DUSP28: variants seen among roughly 807,000 people sequenced by gnomAD.
DUSP28 encodes the protein dual specificity phosphatase 28.
A neutral mutation model predicts 8.4 loss-of-function variants in DUSP28; 11 were observed. The ratio of observed to expected loss-of-function variants is 1.31; its 90% CI spans 0.83 to 2.17. The LOEUF (loss-of-function observed/expected upper bound fraction) is 2.17, where lower values mean the gene tolerates loss of function less well. Ranked by LOEUF, DUSP28 falls within the 30% of genes most tolerant of loss-of-function variation. The pLI is 0.00. For missense variants in DUSP28, 373 were observed against 270.4 expected (o/e 1.38, Z -2.66); for synonymous variants, 178 against 130.9 (o/e 1.36, Z -2.46).
rs964735100 is a variant in DUSP28, at chr2:240,565,203, C to T, written c.*3736C>T. Among the ~76,000 whole-genome samples, 2 of 151,640 alleles carry T rather than the reference C, an allele frequency of 1.3e-5. No homozygotes were observed. The highest frequency in any genetic ancestry group is 1.3e-4 in the Admixed American group (2 of 15,278). ...AGTCATTGGTTAATATATACAACTA[C>T]GCGTATTTACATTCTGTATGCGTCA... On this transcript the variant is annotated 3_prime_UTR_variant, in exon 2 of 2. Coordinates refer to ENST00000405954, the MANE Select transcript of DUSP28 (RefSeq NM_001370465.2).
At position 240,562,622 on chromosome 2, in the gene DUSP28, C is replaced by G. The variant is rs896390848; in HGVS notation, c.*1155C>G. The G allele has an allele frequency of 1.3e-5, 2 of 152,166 alleles. No individual in the cohort carries two copies. Among genetic ancestry groups the G allele is most frequent in the Admixed American group, 6.5e-5 (1 of 15,274 alleles). 9.4% of individuals were successfully genotyped at this position (152,166 alleles called of 1,614,324 possible). On this transcript the variant is annotated 3_prime_UTR_variant, in exon 2 of 2. Coordinates refer to ENST00000405954, the MANE Select transcript of DUSP28 (RefSeq NM_001370465.2). ...GTAAGAAATTGGTCTATATAGTTTT[C>G]TGTGGGATGGCCATTCTCAATGTTC...
chr2:240,561,023 C>T lies in DUSP28; in HGVS notation c.339C>T (p.Val113=), dbSNP rs1430741334. 1.1e-5 allele frequency: 17 copies of T among 1,537,060 alleles called. No individual in the cohort carries two copies. The highest frequency in any genetic ancestry group is 1.5e-5 in the Non-Finnish European group (17 of 1,153,454). Residue 113 remains valine (V), a synonymous_variant, in exon 1 of 2, where the codon GTC becomes GTT. Transcript: ENST00000405954. ...CKNGRSRSAA[V]CTAYLMRHRG... The stretch of plus-strand genomic sequence containing the variant: ...ACGGCCGCAGCCGCTCGGCCGCCGT[C>T]TGCACCGCGTACCTCATGCGGCACC...
At position 240,561,552 on chromosome 2, in the gene DUSP28, T is replaced by C. The variant is rs2092959934; in HGVS notation, c.*85T>C. 2 of 1,484,592 alleles carry C rather than the reference T, an allele frequency of 1.3e-6. No homozygotes were observed. Among genetic ancestry groups the C allele is most frequent in the Non-Finnish European group, 1.8e-6 (2 of 1,118,668 alleles). The allele number at this position is 1,484,592 out of a possible 1,614,324, so 92.0% of individuals were successfully genotyped here. Reference sequence around the variant, plus strand: ...TTTACCCTTCTTCCTCACTGTCATATCGAGTTTTCCTTTGTGTGTGTGTGT... The same window carrying C: ...TTTACCCTTCTTCCTCACTGTCATACCGAGTTTTCCTTTGTGTGTGTGTGT... On this transcript the variant is annotated 3_prime_UTR_variant, in exon 2 of 2. Transcript: ENST00000405954.
At position 240,561,562 on chromosome 2, in the gene DUSP28, C is replaced by G; in HGVS notation, c.*95C>G. 1.4e-6 allele frequency: 2 copies of G among 1,451,596 alleles called. 1 individual carries two copies. Among genetic ancestry groups the G allele is most frequent in the South Asian group, 2.7e-5 (2 of 73,406 alleles). The allele number at this position is 1,451,596 out of a possible 1,614,324, so 89.9% of individuals were successfully genotyped here. ...TTCCTCACTGTCATATCGAGTTTTCCTTTGTGTGTGTGTGTGTGAAACATA... is the reference window on the plus strand; with the variant it reads ...TTCCTCACTGTCATATCGAGTTTTCGTTTGTGTGTGTGTGTGTGAAACATA... On this transcript the variant is annotated 3_prime_UTR_variant, in exon 2 of 2. Transcript: ENST00000405954.
chr2:240,561,294 C>G lies in DUSP28; in HGVS notation c.394-36C>G, dbSNP rs767660354. The G allele has an allele frequency of 9.9e-6, 16 of 1,612,958 alleles. No individual in the cohort carries two copies. The East Asian group carries it at 3.1e-4, about 31-fold the overall frequency. On this transcript the variant is annotated intron_variant, in intron 1 of 1. Transcript: ENST00000405954. The stretch of plus-strand genomic sequence containing the variant: ...CCTTGGCCCCTGCTGGCCATTAGCG[C>G]GACTTGGGGTTATTCAGTACACTTC...
rs1559412366 is a variant in DUSP28 at position 240,563,932 on chromosome 2, A to G, written c.*2465A>G. ...TTTAATGCCTGAAATCATAAGAATAATCATCAAAGGCAAGAGGGTTGTATA... is the reference window on the plus strand; with the variant it reads ...TTTAATGCCTGAAATCATAAGAATAGTCATCAAAGGCAAGAGGGTTGTATA... On this transcript the variant is annotated 3_prime_UTR_variant, in exon 2 of 2. Coordinates refer to ENST00000405954, the MANE Select transcript of DUSP28 (RefSeq NM_001370465.2). 1 of 152,384 alleles carries G rather than the reference A, an allele frequency of 6.6e-6. No homozygotes were observed. The highest frequency in any genetic ancestry group is 1.5e-5 in the Non-Finnish European group (1 of 68,036). The allele number at this position is 152,384 out of a possible 1,614,324, so 9.4% of individuals were successfully genotyped here.
Position 240,560,421 on chromosome 2 carries a change from A to G in DUSP28, c.-264A>G, listed in dbSNP as rs187581090. The G allele has an allele frequency of 5.2e-3, 1,823 of 351,606 alleles. 9 individuals carry two copies. The highest frequency in any genetic ancestry group is 9.1e-3 in the Admixed American group (183 of 20,008). The allele number at this position is 351,606 out of a possible 1,614,324, so 21.8% of individuals were successfully genotyped here. A position where few individuals can be genotyped will look rare whatever the true frequency, so the allele number is the denominator to read the frequency against. On this transcript the variant is annotated 5_prime_UTR_variant, in exon 1 of 2. An upstream start codon of the reference 5' UTR is lost. Transcript: ENST00000405954. ...AGGACGGCGCCCGGGGACAGAGAAC[A>G]TGGGACGCAGAGCGGTCCAAGGCCC... is the stretch of plus-strand genomic sequence containing the variant.
In DUSP28 at chr2:240,561,491, G is replaced by A. The variant is rs75053863; in HGVS notation, c.*24G>A. ...GAAGCTTGAAGGCCTGCTGCCTGGAGGAAGGATGTCCCTGCACTGATACAG... is the reference window on the plus strand; with the variant it reads ...GAAGCTTGAAGGCCTGCTGCCTGGAAGAAGGATGTCCCTGCACTGATACAG... On this transcript the variant is annotated 3_prime_UTR_variant, in exon 2 of 2. Coordinates refer to ENST00000405954, the MANE Select transcript of DUSP28 (RefSeq NM_001370465.2). 1.7e-4 allele frequency: 280 copies of A among 1,607,430 alleles called. 2 individuals carry two copies. The African/African-American group carries it at 3.5e-3, about 20-fold the overall frequency.
rs1026268088 is a variant in DUSP28 at position 240,560,477 on chromosome 2, C to T, written c.-208C>T. ...CCCTGGTGAGGCCCAAACCTCCCGC[C>T]ATGCCCCGGCCCCAACGAGACCCAA... On this transcript the variant is annotated 5_prime_UTR_variant, in exon 1 of 2. Coordinates refer to ENST00000405954, the MANE Select transcript of DUSP28 (RefSeq NM_001370465.2). 3 of 717,044 alleles carry T rather than the reference C, an allele frequency of 4.2e-6. No homozygotes were observed. The highest frequency in any genetic ancestry group is 5.9e-6 in the Non-Finnish European group (3 of 507,690). 44.4% of individuals were successfully genotyped at this position (717,044 alleles called of 1,614,324 possible).
chr2:240,564,488 C>CA lies in DUSP28; in HGVS notation c.*3022dup, dbSNP rs2092996309. 6.6e-6 allele frequency among the ~76,000 whole-genome samples: 1 copy of CA among 152,252 alleles called. No individual in the cohort carries two copies. Among genetic ancestry groups the CA allele is most frequent in the Admixed American group, 6.5e-5 (1 of 15,294 alleles). ...CAGACCACATGGACCCCTGCACCACCATCTGCTCCGTCCTCTCCCTCTGGT... is the reference window on the plus strand; with the variant it reads ...CAGACCACATGGACCCCTGCACCACCAATCTGCTCCGTCCTCTCCCTCTGGT... On this transcript the variant is annotated 3_prime_UTR_variant, in exon 2 of 2. Coordinates refer to ENST00000405954, the MANE Select transcript of DUSP28 (RefSeq NM_001370465.2).
Position 240,560,844 on chromosome 2 carries a change from C to A in DUSP28, c.160C>A (p.Gln54Lys). The A allele has an allele frequency of 7.2e-7, 1 of 1,395,818 alleles. No homozygotes were observed. The highest frequency in any genetic ancestry group is 3.5e-5 in the Admixed American group (1 of 28,178). The allele number at this position is 1,395,818 out of a possible 1,614,324, so 86.5% of individuals were successfully genotyped here. Residue 54 changes from glutamine to lysine, a missense_variant, in exon 1 of 2, where the codon CAG (glutamine) becomes AAG (lysine). Coordinates refer to ENST00000405954, the MANE Select transcript of DUSP28 (RefSeq NM_001370465.2). ...CACGCTGTGCGTCAACGTCTCCCGC[C>A]AGCAGCCCGGCCCGCGCGCGCCCGG... ...GVTLCVNVSR[Q>K]QPGPRAPGVA...
rs758023880 is a variant in DUSP28 at position 240,560,779 on chromosome 2, G to C, written c.95G>C (p.Arg32Pro). 6.8e-7 allele frequency: 1 copy of C among 1,460,424 alleles called. No homozygotes were observed. The highest frequency in any genetic ancestry group is 9.0e-7 in the Non-Finnish European group (1 of 1,114,504). The allele number at this position is 1,460,424 out of a possible 1,614,324, so 90.5% of individuals were successfully genotyped here. The change falls in exon 1 of 2, where the codon CGA (arginine) becomes CCA (proline). Residue 32 changes from arginine to proline, a missense_variant. Coordinates refer to ENST00000405954, the MANE Select transcript of DUSP28 (RefSeq NM_001370465.2). ...VAPSLFLGSA[R>P]AAGAEEQLAR... is the part of the protein sequence containing the mutation. ...CCCTCACTCTTCCTCGGGAGCGCGC[G>C]AGCCGCGGGCGCGGAGGAGCAGCTG...
chr2:240,560,942 C>A lies in DUSP28; in HGVS notation c.258C>A (p.Cys86Ter). The change falls in exon 1 of 2, where the codon TGC (cysteine) becomes TGA (stop). Residue 86 changes from cysteine to a stop codon, truncating the protein, a stop_gained. Coordinates refer to ENST00000405954, the MANE Select transcript of DUSP28 (RefSeq NM_001370465.2). LOFTEE classifies it high-confidence loss of function. The part of the protein sequence containing the change: ...EDLLAHLEPT[C>*]AAMEAAVRAG... The stretch of plus-strand genomic sequence containing the variant: ...TGCTGGCGCACCTGGAGCCCACGTG[C>A]GCCGCCATGGAGGCCGCGGTGCGCG... 1 of 1,534,000 alleles carries A rather than the reference C, an allele frequency of 6.5e-7. No homozygotes were observed. Among genetic ancestry groups the A allele is most frequent in the Non-Finnish European group, 8.7e-7 (1 of 1,153,798 alleles).
chr2:240,561,278 C>T (rs1369554469), intron 1 of DUSP28, 52 bp from the exon 2 acceptor site: 2 of 1,612,118 alleles, frequency 1.2e-6, no homozygotes, highest in Non-Finnish European at 8.5e-7. Flanking sequence ...GCCTTGGCCC[C>T]TGCTGGCCAT....
In DUSP28 at chr2:240,560,756, C is replaced by T; in HGVS notation, c.72C>T (p.Pro24=). ...CTCCACCGTTGGTGCGCGTCGCGCC[C>T]TCACTCTTCCTCGGGAGCGCGCGAG... ...PVPPPLVRVA[P]SLFLGSARAA... Residue 24 remains proline, a synonymous_variant, in exon 1 of 2, where the codon CCC becomes CCT. Transcript: ENST00000405954. 1 of 1,491,158 alleles carries T rather than the reference C, an allele frequency of 6.7e-7. No individual in the cohort carries two copies. The highest frequency in any genetic ancestry group is 8.8e-7 in the Non-Finnish European group (1 of 1,132,224). The allele number at this position is 1,491,158 out of a possible 1,614,324, so 92.4% of individuals were successfully genotyped here. A position where few individuals can be genotyped will look rare whatever the true frequency, so the allele number is the denominator to read the frequency against.
chr2:240,560,488 C>T lies in DUSP28; in HGVS notation c.-197C>T, dbSNP rs1179662656. On this transcript the variant is annotated 5_prime_UTR_variant, in exon 1 of 2. Coordinates refer to ENST00000405954, the MANE Select transcript of DUSP28 (RefSeq NM_001370465.2). ...CCCAAACCTCCCGCCATGCCCCGGC[C>T]CCAACGAGACCCAAGCCCCCTGTCC... 1.2e-6 allele frequency: 1 copy of T among 803,452 alleles called. No homozygotes were observed. Among genetic ancestry groups the T allele is most frequent in the Non-Finnish European group, 1.7e-6 (1 of 583,444 alleles). 49.8% of individuals were successfully genotyped at this position (803,452 alleles called of 1,614,324 possible).
In DUSP28 at chr2:240,563,392, CG is replaced by C. The variant is rs2092992536; in HGVS notation, c.*1929del. On this transcript the variant is annotated 3_prime_UTR_variant, in exon 2 of 2. Transcript: ENST00000405954. ...AATTTCTTTGTATTTTTGGTAGAGA[CG>C]GGGTTTCACTGTGTTAGCCAGGATG... 6.6e-6 allele frequency: 1 copy of C among 152,170 alleles called. No homozygotes were observed. Among genetic ancestry groups the C allele is most frequent in the African/African-American group, 2.4e-5 (1 of 41,416 alleles). 9.4% of individuals were successfully genotyped at this position (152,170 alleles called of 1,614,324 possible). A position where few individuals can be genotyped will look rare whatever the true frequency, so the allele number is the denominator to read the frequency against.
At position 240,561,418 on chromosome 2, in the gene DUSP28, C is replaced by G; in HGVS notation, c.482C>G (p.Ser161Cys). 1.2e-6 allele frequency: 2 copies of G among 1,613,752 alleles called. No individual in the cohort carries two copies. The highest frequency in any genetic ancestry group is 2.7e-5 in the African/African-American group (2 of 75,054). The change falls in exon 2 of 2, where the codon TCC becomes TGC. Residue 161 changes from serine to cysteine, a missense_variant. Coordinates refer to ENST00000405954, the MANE Select transcript of DUSP28 (RefSeq NM_001370465.2). Reference sequence around the variant, plus strand: ...TATGAGGAGGCCCTCCAGGCCCAGTCCTGCCTGCAGGGAGAGCCCCCAGCC... The same window carrying G: ...TATGAGGAGGCCCTCCAGGCCCAGTGCTGCCTGCAGGGAGAGCCCCCAGCC... ...QKYEEALQAQ[S>C]CLQGEPPALG...
In DUSP28 at chr2:240,560,972, C is replaced by T. The variant is rs916164512; in HGVS notation, c.288C>T (p.Gly96=). The change falls in exon 1 of 2, where the codon GGC becomes GGT. Residue 96 remains glycine, a synonymous_variant. Transcript: ENST00000405954. ...CCATGGAGGCCGCGGTGCGCGCCGGCGGCGCCTGCCTAGTCTACTGCAAGA... is the reference window on the plus strand; with the variant it reads ...CCATGGAGGCCGCGGTGCGCGCCGGTGGCGCCTGCCTAGTCTACTGCAAGA... The part of the protein sequence containing the change: ...CAAMEAAVRA[G]GACLVYCKNG... The T allele has an allele frequency of 7.2e-6, 11 of 1,517,328 alleles. No individual in the cohort carries two copies. The Middle Eastern group carries it at 1.2e-3, about 160-fold the overall frequency. The allele number at this position is 1,517,328 out of a possible 1,614,324, so 94.0% of individuals were successfully genotyped here.
Sources: gnomAD v4.1 joint callset for allele counts (sites outside exome capture counted in the v4.1 genomes callset) on GRCh38, gnomAD v4.1.1 for gene constraint, MANE v1.5 for transcripts, NCBI Gene and HGNC (gene_info 2026-07-23, HGNC 2026-07-21) for gene names.